Variants in SLC4A10 observed in about 807,000 individuals in gnomAD.
SLC4A10 encodes solute carrier family 4 member 10.
In SLC4A10, 42 loss-of-function variants were observed where a neutral mutation model predicts 137.7. That is an observed-to-expected ratio of 0.30 (90% confidence interval 0.24 to 0.39). The LOEUF (loss-of-function observed/expected upper bound fraction) is 0.39. SLC4A10 is among the 10% of genes least tolerant of loss of function. The pLI is 1.00. For missense variants in SLC4A10, 925 were observed against 1,355.0 expected, an observed-to-expected ratio of 0.68 and a Z score of 4.98; for synonymous variants, 474 against 464.1, an observed-to-expected ratio of 1.02 and a Z score of -0.27.
intron 1 of SLC4A10, among the ~76,000 whole-genome samples, chr2:161,731,966 C>G (rs2046867244): frequency 6.6e-6 from 1 of 152,054 alleles, no homozygotes; most frequent in Non-Finnish European, 1.5e-5. Flanking sequence ...TATGACATGA[C>G]TCCTTTATAT....
chr2:161,707,587 T>C (rs2043823730), intron 1 of SLC4A10, among the ~76,000 whole-genome samples: 1 of 151,500 alleles, frequency 6.6e-6, no homozygotes, highest in Non-Finnish European at 1.5e-5. Flanking sequence ...ACTTTATCAA[T>C]CTTAAAGTTC....
intron 15 of SLC4A10, among the ~76,000 whole-genome samples, chr2:161,927,067 G>A (rs1283893966): frequency 2.0e-5 from 3 of 152,122 alleles, no homozygotes; most frequent in Admixed American, 2.0e-4. Flanking sequence ...GAGTATCTTT[G>A]TGGTGTTCTC....
At chr2:161,702,531 C>T (rs920003411) in intron 1 of SLC4A10, among the ~76,000 whole-genome samples, 4 of 151,598 alleles carry the variant, frequency 2.6e-5, no homozygotes, top group African/African-American at 9.7e-5. Context: ...GCTTTTTGGT[C>T]CTCCCAAGTT....
intron 3 of SLC4A10, among the ~76,000 whole-genome samples, chr2:161,827,427 ACAACT>A (rs1311434278): frequency 6.6e-6 from 1 of 152,192 alleles, no homozygotes; most frequent in Non-Finnish European, 1.5e-5. Flanking sequence ...TCTCATTCTG[ACAACT>A]CTCTTTTAAT....
Position 161,956,456 on chromosome 2 carries a change from G to A in SLC4A10, c.2542-533G>A, listed in dbSNP as rs968434129. On this transcript the variant is annotated intron_variant, in intron 19 of 26. Coordinates refer to ENST00000446997, the MANE Select transcript of SLC4A10 (RefSeq NM_001178015.2). ...GGCTGCTTCTGAGGCTCTACACTTCGATTCCTGCAGGGTATGGAGGGAGTG... is the reference window on the plus strand; with the variant it reads ...GGCTGCTTCTGAGGCTCTACACTTCAATTCCTGCAGGGTATGGAGGGAGTG... Among the ~76,000 whole-genome samples the A allele has an allele frequency of 6.6e-5, 10 of 152,228 alleles. No homozygotes were observed. In the East Asian group the frequency reaches 1.9e-3, roughly 29 times the overall value.
chr2:161,738,972 A>C (rs550952152), intron 1 of SLC4A10, among the ~76,000 whole-genome samples: 1 of 152,286 alleles, frequency 6.6e-6, no homozygotes, highest in Middle Eastern at 3.4e-3. Context: ...TGGGGTGAAG[A>C]TATAAACCCA....
chr2:161,771,003 G>A lies in SLC4A10; in HGVS notation c.79G>A (p.Gly27Ser). The A allele has an allele frequency of 6.2e-7, 1 of 1,606,472 alleles. No individual in the cohort carries two copies. Among genetic ancestry groups the A allele is most frequent in the Non-Finnish European group, 8.5e-7 (1 of 1,175,990 alleles). The change falls in exon 2 of 27, where the codon GGT becomes AGT. Residue 27 changes from glycine to serine, a missense_variant. Around this residue, in one of 11 missense-constraint regions of SLC4A10, gnomAD observed 138 missense variants for 171.3 expected, o/e 0.81. Coordinates refer to ENST00000446997, the MANE Select transcript of SLC4A10 (RefSeq NM_001178015.2). ...RNDEEAVVDR[G>S]GTRSILKTHF... ...TGATGAAGAAGCAGTTGTGGATAGA[G>A]GTGGAACTCGTTCTATTCTCAAAAC...
At chr2:161,926,464 G>A (rs1490471635) in intron 15 of SLC4A10, among the ~76,000 whole-genome samples, 2 of 147,082 alleles carry the variant, frequency 1.4e-5, no homozygotes, top group Non-Finnish European at 3.0e-5. Flanking sequence ...CTGCACGTGT[G>A]ATGGGTTTCC....
chr2:161,682,728 A>G (rs1309836029), intron 1 of SLC4A10, among the ~76,000 whole-genome samples: 1 of 152,022 alleles, frequency 6.6e-6, no homozygotes, highest in Non-Finnish European at 1.5e-5. Context: ...GAAAAGCTGA[A>G]CGGCTAGGTA....
intron 1 of SLC4A10, among the ~76,000 whole-genome samples, chr2:161,742,468 G>T (rs1231384782): frequency 8.5e-6 from 1 of 117,734 alleles, no homozygotes; most frequent in Non-Finnish European, 1.6e-5. Context: ...TTGAGACTGA[G>T]TCTCGCACTG....
At chr2:161,821,646 G>A (rs561675610) in intron 3 of SLC4A10, among the ~76,000 whole-genome samples, 21 of 152,120 alleles carry the variant, frequency 1.4e-4, no homozygotes, top group African/African-American at 5.1e-4. Context: ...ATTTTTAACA[G>A]GAAGATTTTT....
Position 161,900,982 on chromosome 2 carries a change from T to C in SLC4A10, c.1413T>C (p.His471=), listed in dbSNP as rs752579158. 3.2e-6 allele frequency: 5 copies of C among 1,567,810 alleles called. No individual in the cohort carries two copies. Among genetic ancestry groups the C allele is most frequent in the East Asian group, 2.4e-5 (1 of 42,152 alleles). Residue 471 remains histidine, a synonymous_variant, in exon 12 of 27, where the codon CAT becomes CAC. Transcript: ENST00000446997. ...AHGEAEPHGG[H]SGPELQRTGR... ...GGGAAGCAGAGCCCCACGGAGGACA[T>C]AGTGGACCTGAACTCCAGCGAACTG...
intron 1 of SLC4A10, among the ~76,000 whole-genome samples, chr2:161,723,886 C>T (rs73971357): frequency 0.046 from 7,003 of 152,246 alleles, 520 homozygotes; most frequent in African/African-American, 0.15. Context: ...ATACCTTAAC[C>T]TCTGTTTAGT....
At chr2:161,729,027 T>C (rs915751547) in intron 1 of SLC4A10, among the ~76,000 whole-genome samples, 1 of 151,846 alleles carries the variant, frequency 6.6e-6, no homozygotes, top group Non-Finnish European at 1.5e-5. Context: ...ATCAGGAAAC[T>C]ATAAATAGAA....
Position 161,894,843 on chromosome 2 carries a change from C to A in SLC4A10, c.1341+18C>A. 1 of 1,326,974 alleles carries A rather than the reference C, an allele frequency of 7.5e-7. No individual in the cohort carries two copies. The highest frequency in any genetic ancestry group is 9.7e-7 in the Non-Finnish European group (1 of 1,026,650). The allele number at this position is 1,326,974 out of a possible 1,614,324, so 82.2% of individuals were successfully genotyped here. On this transcript the variant is annotated intron_variant, in intron 11 of 26. Coordinates refer to ENST00000446997, the MANE Select transcript of SLC4A10 (RefSeq NM_001178015.2). ...CTTCCCAGGTATGTATATTTGAAGA[C>A]ATTCTTTGAAATTGAATTTTTTTTT...
At chr2:161,708,680 AT>A in intron 1 of SLC4A10, 4 of 1,503,308 alleles carry the variant, frequency 2.7e-6, no homozygotes, top group Admixed American at 2.2e-5. Context: ...GTTGTTTGAT[AT>A]TTTTTTCACT....
chr2:161,651,760 G>A (rs935923311), intron 1 of SLC4A10, among the ~76,000 whole-genome samples: 1 of 152,220 alleles, frequency 6.6e-6, no homozygotes, highest in African/African-American at 2.4e-5. Flanking sequence ...GCCTGGCTGT[G>A]TGCAGTGGCC....
intron 1 of SLC4A10, among the ~76,000 whole-genome samples, chr2:161,717,708 A>G (rs1212857611): frequency 6.6e-6 from 1 of 152,024 alleles, no homozygotes; most frequent in East Asian, 1.9e-4. Context: ...ATTTTCTTGA[A>G]GATTTTTGCA....
chr2:161,936,752 G>A (rs1022672749), intron 15 of SLC4A10, among the ~76,000 whole-genome samples: 8 of 151,888 alleles, frequency 5.3e-5, no homozygotes, highest in African/African-American at 1.9e-4. Context: ...CTGTTCTATT[G>A]TTAGATAGAA....
Sources: allele counts gnomAD v4.1 joint callset (sites outside exome capture counted in the v4.1 genomes callset), GRCh38; gene constraint gnomAD v4.1.1; regional missense constraint gnomAD v4.1.1; transcripts MANE v1.5; gene names NCBI Gene and HGNC (gene_info 2026-07-23, HGNC 2026-07-21).